PDE4B: variants seen among roughly 807,000 people sequenced by gnomAD.
The protein encoded by PDE4B is phosphodiesterase 4B.
Under a neutral mutation model 82.2 loss-of-function variants are expected in PDE4B, and 20 were observed. The ratio of observed to expected loss-of-function variants is 0.24; its 90% CI spans 0.17 to 0.35. The LOEUF is 0.35. Among genes scored for constraint, PDE4B ranks in the 10% least tolerant of loss-of-function variants. The pLI, the probability that PDE4B is intolerant of heterozygous loss-of-function variation, is 1.00. For missense variants in PDE4B, 655 were observed against 907.2 expected (o/e 0.72, Z 3.57); for synonymous variants, 320 against 318.9 (o/e 1.00, Z -0.04).
intron 3 of PDE4B, among the ~76,000 whole-genome samples, chr1:66,193,973 T>G (rs529628035): frequency 2.0e-5 from 3 of 151,708 alleles, no homozygotes; most frequent in African/African-American, 7.2e-5. Flanking sequence ...TTTGGGAGAT[T>G]CAACAACTTC....
intron 4 of PDE4B, among the ~76,000 whole-genome samples, chr1:66,248,183 C>T (rs561661898): frequency 2.0e-5 from 3 of 152,304 alleles, no homozygotes; most frequent in Non-Finnish European, 4.4e-5. Context: ...TGAGACACAA[C>T]ACACTCCACC....
intron 7 of PDE4B, among the ~76,000 whole-genome samples, chr1:66,319,336 G>A (rs533348041): frequency 6.6e-6 from 1 of 152,224 alleles, no homozygotes; most frequent in South Asian, 2.1e-4. Context: ...AAATTCCTTC[G>A]ACCATTTTCA....
Position 66,368,861 on chromosome 1 carries a change from A to T in PDE4B, c.1737A>T (p.Thr579=). 6.2e-7 allele frequency: 1 copy of T among 1,613,610 alleles called. No homozygotes were observed. The highest frequency in any genetic ancestry group is 8.5e-7 in the Non-Finnish European group (1 of 1,179,656). ...TKSLELYRQW[T]DRIMEEFFQQ... is the part of the protein sequence containing the mutation. ...CCTTGGAATTGTATCGGCAATGGACAGACCGCATCATGGAGGAATTTTTCC... is the reference window on the plus strand; with the variant it reads ...CCTTGGAATTGTATCGGCAATGGACTGACCGCATCATGGAGGAATTTTTCC... The change falls in exon 16 of 17, where the codon ACA becomes ACT. Residue 579 remains threonine, a synonymous_variant. Coordinates refer to ENST00000341517, the MANE Select transcript of PDE4B (RefSeq NM_002600.4).
At chr1:66,249,307 G>A (rs975274703) in intron 4 of PDE4B, among the ~76,000 whole-genome samples, 4 of 152,180 alleles carry the variant, frequency 2.6e-5, no homozygotes, top group Non-Finnish European at 5.9e-5. Flanking sequence ...AGTAATTAGA[G>A]CTTAATTCAC....
chr1:65,808,570 T>C (rs1645783004), intron 1 of PDE4B, among the ~76,000 whole-genome samples: 1 of 152,168 alleles, frequency 6.6e-6, no homozygotes, highest in African/African-American at 2.4e-5. Context: ...AGGACGTGTT[T>C]GAAAGGTGGG....
At chr1:66,122,484 C>A (rs1645729614) in intron 3 of PDE4B, among the ~76,000 whole-genome samples, 1 of 152,012 alleles carries the variant, frequency 6.6e-6, no homozygotes, top group Admixed American at 6.5e-5. Flanking sequence ...GAATCCACAA[C>A]CTAGATCCAT....
chr1:66,368,647 T>C (rs1322478005), intron 15 of PDE4B, 140 bp from the exon 16 acceptor site: 3 of 523,118 alleles, frequency 5.7e-6, no homozygotes, highest in Non-Finnish European at 9.2e-6. Flanking sequence ...TTCCATTTTT[T>C]TTCGGTGCAT....
At chr1:66,219,867 T>C (rs771174395) in intron 3 of PDE4B, among the ~76,000 whole-genome samples, 47 of 152,288 alleles carry the variant, frequency 3.1e-4, no homozygotes, top group Non-Finnish European at 4.1e-4. Flanking sequence ...TTACCACATC[T>C]GTAAGGGAGT....
At chr1:66,310,304 A>G (rs964559830) in intron 7 of PDE4B, among the ~76,000 whole-genome samples, 2 of 152,142 alleles carry the variant, frequency 1.3e-5, no homozygotes, top group East Asian at 3.9e-4. Context: ...CTGGTGATAA[A>G]GCCGGGACTA....
At chr1:66,208,135 T>C (rs76677448) in intron 3 of PDE4B, among the ~76,000 whole-genome samples, 1,771 of 152,346 alleles carry the variant, frequency 0.012, 30 homozygotes, top group Non-Finnish European at 0.013. Context: ...CCATGCTCTC[T>C]AGGTGTGCCT....
chr1:65,924,370 G>A (rs936003103), intron 3 of PDE4B, among the ~76,000 whole-genome samples: 3 of 151,540 alleles, frequency 2.0e-5, no homozygotes, highest in African/African-American at 4.8e-5. Context: ...CACCGCGCCC[G>A]GCCGCTAATT....
At chr1:65,853,686 C>T (rs965217103) in intron 1 of PDE4B, among the ~76,000 whole-genome samples, 4 of 152,066 alleles carry the variant, frequency 2.6e-5, no homozygotes, top group South Asian at 2.1e-4. Context: ...TGCACCACCA[C>T]GCACAGCTAA....
intron 6 of PDE4B, among the ~76,000 whole-genome samples, chr1:66,262,122 C>A (rs1416053944): frequency 6.6e-6 from 1 of 152,162 alleles, no homozygotes; most frequent in Non-Finnish European, 1.5e-5. Context: ...GAACTAATAA[C>A]CACTTAATTT....
intron 3 of PDE4B, among the ~76,000 whole-genome samples, chr1:66,244,491 T>G (rs1653144786): frequency 6.6e-6 from 1 of 152,188 alleles, no homozygotes; most frequent in South Asian, 2.1e-4. Context: ...TTTCAGTTTG[T>G]GTGGTATATT....
rs554755879 is a variant in PDE4B at position 66,250,697 on chromosome 1, G to A, written c.476+3043G>A. On this transcript the variant is annotated intron_variant, in intron 4 of 16. Transcript: ENST00000341517. ...TAGTCATCCCAAACGTAATGCCTTC[G>A]TATACTGAGGTACAGATTGCCTCAT... 1.1e-4 allele frequency among the ~76,000 whole-genome samples: 17 copies of A among 152,276 alleles called. No individual in the cohort carries two copies. The East Asian group carries it at 1.2e-3, about 10-fold the overall frequency.
chr1:66,084,225 A>G (rs150762922), intron 3 of PDE4B, among the ~76,000 whole-genome samples: 1 of 152,282 alleles, frequency 6.6e-6, no homozygotes, highest in Non-Finnish European at 1.5e-5. Flanking sequence ...AAAACATACA[A>G]TATAATGCTG....
At chr1:66,342,964 G>A (rs1661116193) in intron 8 of PDE4B, among the ~76,000 whole-genome samples, 1 of 152,140 alleles carries the variant, frequency 6.6e-6, no homozygotes, top group Non-Finnish European at 1.5e-5. Context: ...AGAATCGCTT[G>A]AGCCCTGGAG....
intron 3 of PDE4B, among the ~76,000 whole-genome samples, chr1:65,964,760 G>T (rs1649724919): frequency 1.3e-5 from 2 of 152,116 alleles, no homozygotes; most frequent in Admixed American, 1.3e-4. Flanking sequence ...GCTGTGAAAA[G>T]ATATTCAGAA....
chr1:66,226,357 A>G (rs917649841), intron 3 of PDE4B, among the ~76,000 whole-genome samples: 1 of 152,264 alleles, frequency 6.6e-6, no homozygotes. Context: ...CTGATTAAAA[A>G]TGAAGCAACA....
Sources: gnomAD v4.1 joint callset for allele counts (sites outside exome capture counted in the v4.1 genomes callset) on GRCh38, gnomAD v4.1.1 for gene constraint, MANE v1.5 for transcripts, NCBI Gene and HGNC (gene_info 2026-07-23, HGNC 2026-07-21) for gene names.